Variants in PTPRJ observed in about 807,000 individuals in gnomAD.
The protein encoded by PTPRJ is protein tyrosine phosphatase receptor type J.
PTPRJ carries 129 observed loss-of-function variants against 141.3 expected under a neutral mutation model. The observed-to-expected ratio is 0.91, with a 90% CI of 0.79 to 1.06. PTPRJ has a LOEUF of 1.06. Among genes scored for constraint, PTPRJ ranks in the 50% least tolerant of loss-of-function variants. PTPRJ has a pLI of 0.00. For synonymous variants in PTPRJ, 610 were observed against 640.5 expected (o/e 0.95, Z 0.72); for missense variants, 1,601 against 1,679.7 (o/e 0.95, Z 0.82).
chr11:47,985,825 T>A (rs1412708170), intron 1 of PTPRJ, among the ~76,000 whole-genome samples: 1 of 152,110 alleles, frequency 6.6e-6, no homozygotes, highest in Non-Finnish European at 1.5e-5. Context: ...CTCAGCCTGC[T>A]GAGTAGCTGG....
intron 1 of PTPRJ, among the ~76,000 whole-genome samples, chr11:47,983,199 C>T (rs548740367): frequency 6.4e-4 from 97 of 151,802 alleles, no homozygotes; most frequent in African/African-American, 2.2e-3. Flanking sequence ...TTTTTTTTCC[C>T]GTGTTTTCAC....
intron 1 of PTPRJ, among the ~76,000 whole-genome samples, chr11:48,004,844 G>T (rs997169847): frequency 2.0e-5 from 3 of 152,080 alleles, no homozygotes; most frequent in Non-Finnish European, 2.9e-5. Context: ...TCATTTTATT[G>T]TTTTGTATTT....
At chr11:48,082,793 A>T (rs1384627272) in intron 1 of PTPRJ, among the ~76,000 whole-genome samples, 1 of 152,132 alleles carries the variant, frequency 6.6e-6, no homozygotes. Context: ...CATGTATTAC[A>T]TAATAGGGGT....
rs114497311 is a variant in PTPRJ at position 48,096,899 on chromosome 11, G to T, written c.97-13159G>T. 9.8e-3 allele frequency: 1,513 copies of T among 154,866 alleles called. 23 individuals are homozygous for T. The highest frequency in any genetic ancestry group is 0.034 in the African/African-American group (1,426 of 41,536). The allele number at this position is 154,866 out of a possible 1,614,324, so 9.6% of individuals were successfully genotyped here. A position where few individuals can be genotyped will look rare whatever the true frequency, so the allele number is the denominator to read the frequency against. On this transcript the variant is annotated intron_variant, in intron 1 of 24. Coordinates refer to ENST00000418331, the MANE Select transcript of PTPRJ (RefSeq NM_002843.4). ...CCTAGCCTGTGAGAACTACTCCTTT[G>T]TGATTTCTTGCCATTGAAATTTTTT...
rs143450977 is a variant in PTPRJ, at chr11:48,060,116, A to G, written c.97-49942A>G. On this transcript the variant is annotated intron_variant, in intron 1 of 24. Coordinates refer to ENST00000418331, the MANE Select transcript of PTPRJ (RefSeq NM_002843.4). ...GTTCGGATTAACTGTAATACATCAC[A>G]CTTTCGAAAGTGAAGATATGCCTAT... is the stretch of plus-strand genomic sequence containing the variant. Among the ~76,000 whole-genome samples the G allele has an allele frequency of 1.8e-4, 27 of 152,246 alleles. No individual in the cohort carries two copies. The East Asian group carries it at 4.8e-3, about 27-fold the overall frequency.
At chr11:48,142,174 C>T (rs182282929) in intron 11 of PTPRJ, among the ~76,000 whole-genome samples, 56 of 152,228 alleles carry the variant, frequency 3.7e-4, no homozygotes, top group South Asian at 1.9e-3. Flanking sequence ...GAGTTTAATT[C>T]TGGGCTCAGT....
intron 1 of PTPRJ, among the ~76,000 whole-genome samples, chr11:48,081,549 C>T (rs923674376): frequency 7.2e-5 from 11 of 152,054 alleles, no homozygotes; most frequent in Admixed American, 3.3e-4. Flanking sequence ...GTCACTTCCC[C>T]GGCTGGCTTT....
intron 1 of PTPRJ, among the ~76,000 whole-genome samples, chr11:48,074,324 A>G (rs749985705): frequency 6.6e-6 from 1 of 152,212 alleles, no homozygotes; most frequent in Non-Finnish European, 1.5e-5. Context: ...TGTCTTTAGT[A>G]TTGACATGTT....
intron 1 of PTPRJ, among the ~76,000 whole-genome samples, chr11:48,013,103 CAAAAA>C (rs5791798): frequency 4.4e-5 from 4 of 90,068 alleles, no homozygotes; most frequent in Admixed American, 1.1e-4. Context: ...GACTCTGTGT[CAAAAA>C]AAAAAAAAAA....
chr11:48,089,852 A>G (rs1291566705), intron 1 of PTPRJ, among the ~76,000 whole-genome samples: 1 of 152,148 alleles, frequency 6.6e-6, no homozygotes, highest in Non-Finnish European at 1.5e-5. Context: ...GCTCTGCTAT[A>G]TCTGGCTGCT....
At chr11:48,035,185 C>T (rs1854087400) in intron 1 of PTPRJ, among the ~76,000 whole-genome samples, 4 of 152,206 alleles carry the variant, frequency 2.6e-5, no homozygotes. Flanking sequence ...CAGTGGCTCC[C>T]ATTTCTCCGG....
intron 1 of PTPRJ, among the ~76,000 whole-genome samples, chr11:48,033,648 G>A (rs1000912436): frequency 1.3e-5 from 2 of 152,202 alleles, no homozygotes; most frequent in Admixed American, 1.3e-4. Flanking sequence ...TCAGAATGAT[G>A]AGACAGGGAG....
rs1856397190 is a variant in PTPRJ at position 48,109,962 on chromosome 11, C to T, written c.97-96C>T. 4.3e-6 allele frequency: 6 copies of T among 1,383,140 alleles called. No homozygotes were observed. In the Admixed American group the frequency reaches 6.8e-5, roughly 16 times the overall value. The allele number at this position is 1,383,140 out of a possible 1,614,324, so 85.7% of individuals were successfully genotyped here. ...TTGCTTAATGTGCTTCTTACCACCC[C>T]ACCCCCATTATTAAATCCTCAACTG... is the stretch of plus-strand genomic sequence containing the variant. On this transcript the variant is annotated intron_variant, in intron 1 of 24. Transcript: ENST00000418331.
At chr11:48,030,651 G>T (rs1296447499) in intron 1 of PTPRJ, among the ~76,000 whole-genome samples, 2 of 152,228 alleles carry the variant, frequency 1.3e-5, no homozygotes, top group Non-Finnish European at 2.9e-5. Flanking sequence ...GCTGAGGCAG[G>T]AGGATCGCTT....
chr11:48,065,773 T>TA (rs1855067408), intron 1 of PTPRJ, among the ~76,000 whole-genome samples: 2 of 152,206 alleles, frequency 1.3e-5, no homozygotes, highest in Admixed American at 6.5e-5. Flanking sequence ...TCACCCCTGT[T>TA]ACAGGGTGGA....
chr11:47,981,756 C>T (rs1425163574), intron 1 of PTPRJ, among the ~76,000 whole-genome samples: 1 of 152,126 alleles, frequency 6.6e-6, no homozygotes, highest in African/African-American at 2.4e-5. Context: ...TTTCCCCTTC[C>T]TGGCATTTCC....
chr11:47,981,276 C>T (rs1382394448), intron 1 of PTPRJ, among the ~76,000 whole-genome samples: 1 of 152,180 alleles, frequency 6.6e-6, no homozygotes, highest in Admixed American at 6.5e-5. Context: ...TCCGCGCGGG[C>T]TCCAGGCCGT....
chr11:48,005,502 A>G (rs1389451332), intron 1 of PTPRJ, among the ~76,000 whole-genome samples: 2 of 152,214 alleles, frequency 1.3e-5, no homozygotes, highest in African/African-American at 4.8e-5. Context: ...TTCAAGGTCC[A>G]TCCATGTTGG....
At position 48,168,582 on chromosome 11, in the gene PTPRJ, A is replaced by ATATATATG. The variant is rs1351743334; in HGVS notation, c.*1220_*1221insTATATATG. ...TATATATATATATATATATATATAT[A>ATATATATG]CACTAAGCTCTCAAAAACAGTCATT... On this transcript the variant is annotated 3_prime_UTR_variant, in exon 25 of 25. Transcript: ENST00000418331. The ATATATATG allele has an allele frequency of 1.7e-3, 168 of 97,824 alleles. 41 individuals are homozygous for ATATATATG. Among genetic ancestry groups the ATATATATG allele is most frequent in the Non-Finnish European group, 3.0e-3 (142 of 46,574 alleles). 6.1% of individuals were successfully genotyped at this position (97,824 alleles called of 1,614,324 possible). A position where few individuals can be genotyped will look rare whatever the true frequency, so the allele number is the denominator to read the frequency against.
Sources: gnomAD v4.1 joint callset for allele counts (sites outside exome capture counted in the v4.1 genomes callset) on GRCh38, gnomAD v4.1.1 for gene constraint, MANE v1.5 for transcripts, NCBI Gene and HGNC (gene_info 2026-07-23, HGNC 2026-07-21) for gene names.